RALGPS1: variants seen among roughly 807,000 people sequenced by gnomAD.
RALGPS1 encodes the protein ras-specific guanine nucleotide-releasing factor RalGPS1.
Under a neutral mutation model 78.8 loss-of-function variants are expected in RALGPS1, and 19 were observed. The ratio of observed to expected loss-of-function variants is 0.24; its 90% CI spans 0.17 to 0.35. The LOEUF (loss-of-function observed/expected upper bound fraction) is 0.35. Ranked by LOEUF, RALGPS1 falls within the 10% of genes least tolerant of loss-of-function variation. RALGPS1 has a pLI of 1.00. For synonymous variants in RALGPS1, 228 were observed against 256.3 expected, an observed-to-expected ratio of 0.89 and a Z score of 1.06; for missense variants, 454 against 688.3, an observed-to-expected ratio of 0.66 and a Z score of 3.81.
intron 7 of RALGPS1, among the ~76,000 whole-genome samples, chr9:127,062,404 G>A (rs2049300219): frequency 6.6e-6 from 1 of 152,150 alleles, no homozygotes; most frequent in Admixed American, 6.5e-5. Context: ...GGCCAAGGAT[G>A]ATTTTTTAAA....
intron 8 of RALGPS1, among the ~76,000 whole-genome samples, chr9:127,150,605 C>T (rs1247510960): frequency 6.6e-6 from 1 of 152,180 alleles, no homozygotes; most frequent in Non-Finnish European, 1.5e-5. Flanking sequence ...TTGAGATGCT[C>T]GTGCTCAGGG....
chr9:127,131,167 G>A (rs541904254), intron 8 of RALGPS1, among the ~76,000 whole-genome samples: 1 of 152,272 alleles, frequency 6.6e-6, no homozygotes, highest in South Asian at 2.1e-4. Context: ...CCAGGCAGCC[G>A]TGTTTGTTGG....
intron 8 of RALGPS1, among the ~76,000 whole-genome samples, chr9:127,072,617 T>G (rs1402446368): frequency 1.3e-5 from 2 of 152,214 alleles, no homozygotes; most frequent in Non-Finnish European, 2.9e-5. Flanking sequence ...GTAAGATCGG[T>G]TTTTATACAT....
chr9:127,092,519 T>C (rs1476134906), intron 8 of RALGPS1, among the ~76,000 whole-genome samples: 1 of 152,038 alleles, frequency 6.6e-6, no homozygotes, highest in East Asian at 1.9e-4. Context: ...TGGGAATCGG[T>C]GATTCATTAA....
At chr9:126,925,656 A>C (rs561281657) in intron 1 of RALGPS1, among the ~76,000 whole-genome samples, 1 of 152,284 alleles carries the variant, frequency 6.6e-6, no homozygotes, top group Non-Finnish European at 1.5e-5. Flanking sequence ...AGTTGAGTCT[A>C]GCTTGGGCAA....
intron 10 of RALGPS1, among the ~76,000 whole-genome samples, chr9:127,172,903 G>A (rs1281187306): frequency 6.6e-6 from 1 of 152,142 alleles, no homozygotes; most frequent in Non-Finnish European, 1.5e-5. Flanking sequence ...GCAAGAGGAT[G>A]TTGGCTGTAT....
chr9:127,014,857 G>T (rs1456580135), intron 4 of RALGPS1, among the ~76,000 whole-genome samples: 2 of 152,056 alleles, frequency 1.3e-5, no homozygotes, highest in Admixed American at 6.5e-5. Flanking sequence ...CGGGACCTTT[G>T]CTTATTAAGA....
chr9:126,931,549 G>A (rs1268220826), intron 1 of RALGPS1, among the ~76,000 whole-genome samples: 1 of 152,202 alleles, frequency 6.6e-6, no homozygotes, highest in African/African-American at 2.4e-5. Context: ...CTGTCTGTAT[G>A]AAACGTGTAG....
intron 8 of RALGPS1, among the ~76,000 whole-genome samples, chr9:127,134,012 C>CT (rs577296748): frequency 6.6e-6 from 1 of 151,696 alleles, no homozygotes; most frequent in South Asian, 2.1e-4. Flanking sequence ...TCGCTCCCCC[C>CT]CCCGTGAATG....
chr9:127,002,487 G>T, intron 4 of RALGPS1, among the ~76,000 whole-genome samples: 1 of 131,158 alleles, frequency 7.6e-6, no homozygotes. Context: ...GGGTACATGT[G>T]CACATTGTGC....
chr9:126,968,738 C>T (rs2039783325), intron 3 of RALGPS1, among the ~76,000 whole-genome samples: 1 of 152,184 alleles, frequency 6.6e-6, no homozygotes, highest in South Asian at 2.1e-4. Flanking sequence ...ATGTAAGCTA[C>T]ATATGCAATT....
intron 8 of RALGPS1, among the ~76,000 whole-genome samples, chr9:127,110,247 A>T (rs2054662560): frequency 6.6e-6 from 1 of 152,184 alleles, no homozygotes. Context: ...TCTGTTTGCC[A>T]GATGGAAGGG....
intron 8 of RALGPS1, among the ~76,000 whole-genome samples, chr9:127,136,751 T>A (rs753995873): frequency 3.9e-5 from 6 of 152,130 alleles, no homozygotes; most frequent in Non-Finnish European, 5.9e-5. Flanking sequence ...GGTGCATACC[T>A]GGTTTTCTGG....
At chr9:127,027,443 A>G (rs558260516) in intron 4 of RALGPS1, among the ~76,000 whole-genome samples, 16 of 152,314 alleles carry the variant, frequency 1.1e-4, no homozygotes, top group African/African-American at 3.6e-4. Context: ...GTTCTCTCAC[A>G]TATTTCATTC....
At chr9:126,976,420 TCACA>T (rs5900740) in intron 3 of RALGPS1, among the ~76,000 whole-genome samples, 57,673 of 150,004 alleles carry the variant, frequency 0.38, 12,667 homozygotes, top group Non-Finnish European at 0.48. Flanking sequence ...CACCATATAC[TCACA>T]CACACACACA....
chr9:127,126,895 A>T (rs960121139), intron 8 of RALGPS1, among the ~76,000 whole-genome samples: 5 of 152,026 alleles, frequency 3.3e-5, no homozygotes, highest in African/African-American at 7.3e-5. Flanking sequence ...CTGCTTCTTC[A>T]CATGTCTATA....
chr9:126,927,285 C>T (rs529960522), intron 1 of RALGPS1, among the ~76,000 whole-genome samples: 11 of 152,102 alleles, frequency 7.2e-5, no homozygotes, highest in South Asian at 6.2e-4. Flanking sequence ...ATGAGAGTCC[C>T]GGCTGAATTG....
intron 8 of RALGPS1, among the ~76,000 whole-genome samples, chr9:127,118,101 CTG>C (rs1325976550): frequency 6.6e-6 from 1 of 152,196 alleles, no homozygotes; most frequent in Non-Finnish European, 1.5e-5. Flanking sequence ...TATCACCAGA[CTG>C]GAGTGCAGTG....
intron 6 of RALGPS1, among the ~76,000 whole-genome samples, chr9:127,052,545 C>A (rs899034235): frequency 3.9e-5 from 6 of 152,156 alleles, no homozygotes; most frequent in African/African-American, 1.4e-4. Flanking sequence ...TTTACAAAAG[C>A]CTGCTGGGAC....
Sources: gnomAD v4.1 joint callset for allele counts (sites outside exome capture counted in the v4.1 genomes callset) on GRCh38, gnomAD v4.1.1 for gene constraint, MANE v1.5 for transcripts, NCBI Gene and HGNC (gene_info 2026-07-23, HGNC 2026-07-21) for gene names.